Variants in PDE1C observed in about 807,000 individuals in gnomAD.
The protein encoded by PDE1C is phosphodiesterase 1C.
In PDE1C, 62 loss-of-function variants were observed where a neutral mutation model predicts 93.1. The observed-to-expected ratio is 0.67, with a 90% confidence interval of 0.54 to 0.82. The LOEUF (loss-of-function observed/expected upper bound fraction) is 0.82. PDE1C is among the 40% of genes least tolerant of loss of function. The pLI, the probability that PDE1C is intolerant of heterozygous loss-of-function variation, is 0.00. For synonymous variants in PDE1C, 325 were observed against 310.1 expected (o/e 1.05, Z -0.50); for missense variants, 742 against 884.6 (o/e 0.84, Z 2.04).
intron 1 of PDE1C, among the ~76,000 whole-genome samples, chr7:32,399,854 G>C (rs1276166312): frequency 6.6e-6 from 1 of 152,086 alleles, no homozygotes; most frequent in Non-Finnish European, 1.5e-5. Context: ...AAAGTGCTAG[G>C]ATTACAGGCA....
chr7:32,198,342 A>G (rs1379950495), intron 2 of PDE1C, among the ~76,000 whole-genome samples: 1 of 152,236 alleles, frequency 6.6e-6, no homozygotes, highest in East Asian at 1.9e-4. Flanking sequence ...CTAATAATTA[A>G]TCTATGATAG....
At chr7:32,019,752 GGGGAGGGAA>G (rs1788399124) in intron 2 of PDE1C, among the ~76,000 whole-genome samples, 4 of 152,112 alleles carry the variant, frequency 2.6e-5, no homozygotes, top group Non-Finnish European at 4.4e-5. Context: ...AGGGAAACAA[GGGGAGGGAA>G]GGGTGACTCC....
At chr7:32,202,501 T>C (rs1805086951) in intron 2 of PDE1C, among the ~76,000 whole-genome samples, 1 of 152,234 alleles carries the variant, frequency 6.6e-6, no homozygotes, top group African/African-American at 2.4e-5. Context: ...ACTGGATCAT[T>C]TGTAAACTCT....
At chr7:31,913,408 G>T (rs570505285) in intron 2 of PDE1C, among the ~76,000 whole-genome samples, 1 of 148,292 alleles carries the variant, frequency 6.7e-6, no homozygotes, top group South Asian at 2.1e-4. Flanking sequence ...GAATCAAGGT[G>T]AAAAAAAAAA....
intron 2 of PDE1C, among the ~76,000 whole-genome samples, chr7:31,891,179 T>G (rs539104135): frequency 6.6e-6 from 1 of 151,376 alleles, no homozygotes; most frequent in Non-Finnish European, 1.5e-5. Flanking sequence ...GTGCGAGAGG[T>G]TTTTATGAAC....
intron 1 of PDE1C, among the ~76,000 whole-genome samples, chr7:32,279,185 G>A (rs888905999): frequency 6.6e-6 from 1 of 152,136 alleles, no homozygotes; most frequent in African/African-American, 2.4e-5. Flanking sequence ...ATCACCAGAG[G>A]TGCCATTTCA....
At chr7:31,964,412 G>C (rs1167188994) in intron 2 of PDE1C, among the ~76,000 whole-genome samples, 1 of 152,222 alleles carries the variant, frequency 6.6e-6, no homozygotes, top group Non-Finnish European at 1.5e-5. Flanking sequence ...CTGGGGGAGG[G>C]GCGCCTGCCA....
At chr7:31,735,544 G>A in the PDE1C span, among the ~76,000 whole-genome samples, 1 of 152,186 alleles carries the variant, frequency 6.6e-6, no homozygotes, top group Non-Finnish European at 1.5e-5. Context: ...TCCTGCCCTG[G>A]ACACTTAGTA....
chr7:31,814,040 A>G (rs555443826), intron 15 of PDE1C, among the ~76,000 whole-genome samples: 3,926 of 150,544 alleles, frequency 0.026, 63 homozygotes, highest in East Asian at 0.061. Context: ...GTGTGTGTGT[A>G]TACATATATA....
chr7:31,881,038 T>C (rs1257237986), intron 2 of PDE1C, among the ~76,000 whole-genome samples, 178 bp from the exon 3 acceptor site: 1 of 152,152 alleles, frequency 6.6e-6, no homozygotes, highest in Non-Finnish European at 1.5e-5. Flanking sequence ...ATTTTTGCCA[T>C]TGTGAAGTAA....
the PDE1C span, among the ~76,000 whole-genome samples, chr7:31,674,896 C>A: frequency 6.6e-6 from 1 of 152,280 alleles, no homozygotes; most frequent in Middle Eastern, 3.4e-3. Flanking sequence ...TCAAAAATCT[C>A]AAAACTCAAA....
chr7:32,259,920 C>T (rs1472808445), intron 1 of PDE1C, among the ~76,000 whole-genome samples: 4 of 151,382 alleles, frequency 2.6e-5, no homozygotes, highest in Admixed American at 1.3e-4. Flanking sequence ...GGTAAACACC[C>T]GGCACAAACC....
At chr7:31,896,836 GT>G (rs2128911448) in intron 2 of PDE1C, among the ~76,000 whole-genome samples, 1 of 152,262 alleles carries the variant, frequency 6.6e-6, no homozygotes, top group African/African-American at 2.4e-5. Context: ...CCTTGTCATG[GT>G]GTTAATTGTC....
intron 1 of PDE1C, among the ~76,000 whole-genome samples, chr7:32,312,105 C>G (rs2128904837): frequency 6.6e-6 from 1 of 151,862 alleles, no homozygotes; most frequent in East Asian, 1.9e-4. Flanking sequence ...TTCTTATACA[C>G]CAATAACAGA....
At chr7:32,333,215 T>A (rs1372435545) in intron 1 of PDE1C, among the ~76,000 whole-genome samples, 2 of 152,324 alleles carry the variant, frequency 1.3e-5, no homozygotes, top group Middle Eastern at 3.4e-3. Context: ...GCAAAATCAT[T>A]GCATTTACAA....
intron 1 of PDE1C, among the ~76,000 whole-genome samples, chr7:32,265,723 A>C (rs1301067714): frequency 2.0e-5 from 3 of 152,356 alleles, no homozygotes; most frequent in African/African-American, 7.2e-5. Context: ...TGACCAACAG[A>C]GACATATACG....
intron 2 of PDE1C, among the ~76,000 whole-genome samples, chr7:32,012,593 G>A (rs567222995): frequency 3.9e-5 from 6 of 152,250 alleles, no homozygotes; most frequent in South Asian, 2.1e-4. Context: ...CAGATAATTC[G>A]TTGCCTGGGG....
chr7:32,186,073 T>C (rs1803828773), intron 2 of PDE1C, among the ~76,000 whole-genome samples: 1 of 146,226 alleles, frequency 6.8e-6, no homozygotes, highest in Non-Finnish European at 1.5e-5. Flanking sequence ...CTTTTTTCCC[T>C]AATTTGTTTT....
intron 17 of PDE1C, among the ~76,000 whole-genome samples, chr7:31,775,355 C>T (rs997758606): frequency 6.6e-6 from 1 of 152,178 alleles, no homozygotes; most frequent in African/African-American, 2.4e-5. Flanking sequence ...ACTCACACTA[C>T]TTCCCTTGCA....
Sources: gnomAD v4.1 joint callset for allele counts (sites outside exome capture counted in the v4.1 genomes callset) on GRCh38, gnomAD v4.1.1 for gene constraint, MANE v1.5 for transcripts, NCBI Gene and HGNC (gene_info 2026-07-23, HGNC 2026-07-21) for gene names.